Variants in ADCY3 observed in about 807,000 individuals in gnomAD.
The protein encoded by ADCY3 is adenylate cyclase type 3.
Under a neutral mutation model 119.4 loss-of-function variants are expected in ADCY3, and 70 were observed. The ratio of observed to expected loss-of-function variants is 0.59; its 90% CI spans 0.48 to 0.72. The LOEUF (loss-of-function observed/expected upper bound fraction) is 0.72. Among genes scored for constraint, ADCY3 ranks in the 30% least tolerant of loss-of-function variants. The probability of loss-of-function intolerance (pLI) is 0.00; values close to 1 mark genes in which losing one functional copy is unlikely to be tolerated. For synonymous variants in ADCY3, 672 were observed against 621.4 expected (o/e 1.08, Z -1.21); for missense variants, 1,238 against 1,541.6 (o/e 0.80, Z 3.30).
chr2:24,844,067 G>C (rs1422721177), intron 3 of ADCY3, among the ~76,000 whole-genome samples: 1 of 152,226 alleles, frequency 6.6e-6, no homozygotes, highest in Non-Finnish European at 1.5e-5. Context: ...CACAACTAAA[G>C]AAAGTGTGTC....
At chr2:24,821,723 G>A in intron 19 of ADCY3, 83 bp from the exon 20 acceptor site, 1 of 1,560,200 alleles carries the variant, frequency 6.4e-7, no homozygotes, top group South Asian at 1.2e-5. Flanking sequence ...CAGTGTTCTG[G>A]GGGTGGATTC....
intron 11 of ADCY3, 45 bp from the exon 12 acceptor site, chr2:24,831,794 G>A (rs746086849): frequency 4.8e-6 from 6 of 1,261,372 alleles, no homozygotes; most frequent in Non-Finnish European, 1.1e-6. Flanking sequence ...AGGGGACAGT[G>A]AGATGGGGTG....
intron 2 of ADCY3, among the ~76,000 whole-genome samples, chr2:24,880,101 C>A (rs1324592488): frequency 6.6e-6 from 1 of 152,220 alleles, no homozygotes; most frequent in Non-Finnish European, 1.5e-5. Context: ...CCACCATGTG[C>A]CTCAAAACAA....
intron 3 of ADCY3, among the ~76,000 whole-genome samples, chr2:24,863,553 A>G (rs1335568272): frequency 6.6e-6 from 1 of 152,156 alleles, no homozygotes; most frequent in Non-Finnish European, 1.5e-5. Flanking sequence ...TACAGCCTCT[A>G]TCAGTCTTTT....
chr2:24,872,546 C>A lies in ADCY3; in HGVS notation c.825+24G>T. ...ACAGTCCCTGAGCCCAAGCTCCAGGCCCGAGGCCTCCCGAGAGCCTCACCT... is the reference window on the plus strand; with the variant it reads ...ACAGTCCCTGAGCCCAAGCTCCAGGACCGAGGCCTCCCGAGAGCCTCACCT... On this transcript the variant is annotated intron_variant, in intron 3 of 21. Transcript: ENST00000679454. The surrounding 1 kb of genome is among the most constrained non-coding windows in gnomAD (Gnocchi z 4.4). 1 of 1,610,856 alleles carries A rather than the reference C, an allele frequency of 6.2e-7. No individual in the cohort carries two copies. The highest frequency in any genetic ancestry group is 8.5e-7 in the Non-Finnish European group (1 of 1,178,116).
intron 17 of ADCY3, 134 bp from the exon 18 acceptor site, chr2:24,823,489 A>C: frequency 3.5e-6 from 3 of 848,980 alleles, no homozygotes; most frequent in Non-Finnish European, 4.9e-6. Flanking sequence ...AGATTATTCC[A>C]GCATTTTTTT....
chr2:24,823,628 T>C, intron 17 of ADCY3, among the ~76,000 whole-genome samples: 1 of 151,424 alleles, frequency 6.6e-6, no homozygotes, highest in African/African-American at 2.4e-5. Context: ...CACAGACACA[T>C]GTCACCATGC....
chr2:24,914,620 AGCCAAGACTGT>A (rs1290434150), intron 2 of ADCY3, among the ~76,000 whole-genome samples: 1 of 151,082 alleles, frequency 6.6e-6, no homozygotes, highest in Non-Finnish European at 1.5e-5. Context: ...GGTTGCAGTG[AGCCAAGACTGT>A]GCCATTGCAC....
chr2:24,831,537 GTCCTAAC>G (rs1323306921), intron 12 of ADCY3, 118 bp downstream of exon 12: 34 of 773,438 alleles, frequency 4.4e-5, no homozygotes, highest in Non-Finnish European at 6.6e-5. Flanking sequence ...TGCCTGGACC[GTCCTAAC>G]AGAGGAGTGT....
At chr2:24,908,655 C>T (rs1663196215) in intron 2 of ADCY3, among the ~76,000 whole-genome samples, 1 of 152,162 alleles carries the variant, frequency 6.6e-6, no homozygotes, top group South Asian at 2.1e-4. Flanking sequence ...CACAGTCACA[C>T]TCCCGTGCCC....
rs541100936 is a variant in ADCY3 at position 24,839,138 on chromosome 2, C to T, written c.1356-516G>A. Among the ~76,000 whole-genome samples the T allele has an allele frequency of 5.3e-5, 8 of 152,084 alleles. No individual in the cohort carries two copies. The East Asian group carries it at 1.4e-3, about 26-fold the overall frequency. On this transcript the variant is annotated intron_variant, in intron 7 of 21. Coordinates refer to ENST00000679454, the MANE Select transcript of ADCY3 (RefSeq NM_004036.5). ...TGTATTTTTAGTAGAGATGGGGTTT[C>T]GTCATGTTGGTCAGGCTGGTCTCAA...
chr2:24,831,653 G>A lies in ADCY3; in HGVS notation c.2055+9C>T, dbSNP rs1236063625. On this transcript the variant is annotated intron_variant, in intron 12 of 21. Transcript: ENST00000679454. ...AGGCTTCTGAGCTCAGTAGAAAAGT[G>A]CCTCTTACCCGGGGAAAGATGGCAG... 1.2e-6 allele frequency: 2 copies of A among 1,611,854 alleles called. No individual in the cohort carries two copies. Among genetic ancestry groups the A allele is most frequent in the Non-Finnish European group, 1.7e-6 (2 of 1,178,188 alleles).
chr2:24,851,217 G>T (rs11678026), intron 3 of ADCY3, among the ~76,000 whole-genome samples: 15,727 of 152,040 alleles, frequency 0.1, 924 homozygotes, highest in Non-Finnish European at 0.14. Context: ...AACCTGAGGA[G>T]GGGGAACCTA....
At chr2:24,917,315 G>A (rs182075817) in intron 2 of ADCY3, among the ~76,000 whole-genome samples, 5 of 152,360 alleles carry the variant, frequency 3.3e-5, no homozygotes, top group Non-Finnish European at 7.3e-5. Flanking sequence ...CAGAGCTGGC[G>A]TGGGAGTTAA....
At chr2:24,831,926 G>A (rs867332046) in intron 11 of ADCY3, among the ~76,000 whole-genome samples, 177 bp from the exon 12 acceptor site, 34 of 72,118 alleles carry the variant, frequency 4.7e-4, no homozygotes, top group African/African-American at 1.2e-3. Flanking sequence ...AGGGGACAGC[G>A]GACAGTGGCC....
intron 21 of ADCY3, 159 bp downstream of exon 21, chr2:24,820,565 C>G: frequency 7.0e-7 from 1 of 1,429,822 alleles, no homozygotes; most frequent in African/African-American, 1.4e-5. Context: ...TGTGCTGAGG[C>G]TAGCTATTGC....
rs887610449 is a variant in ADCY3 at position 24,842,655 on chromosome 2, G to A, written c.826-271C>T. 8.6e-5 allele frequency: 38 copies of A among 444,084 alleles called. No individual in the cohort carries two copies. Among genetic ancestry groups the A allele is most frequent in the South Asian group, 5.1e-4 (23 of 45,080 alleles). 27.5% of individuals were successfully genotyped at this position (444,084 alleles called of 1,614,324 possible). On this transcript the variant is annotated intron_variant, in intron 3 of 21. Coordinates refer to ENST00000679454, the MANE Select transcript of ADCY3 (RefSeq NM_004036.5). This position sits in a 1 kb window ranked among gnomAD's most constrained non-coding sequence, Gnocchi z 4.9. ...GTGAAGCATCCCAACGTGGCTCTGT[G>A]CTCAGCATCCTCGTGCCACAAGAAG...
chr2:24,883,511 T>C (rs1676664525), intron 2 of ADCY3, among the ~76,000 whole-genome samples: 1 of 152,206 alleles, frequency 6.6e-6, no homozygotes, highest in Non-Finnish European at 1.5e-5. Flanking sequence ...CTTTCACATA[T>C]ATTTAAGCAT....
At chr2:24,844,425 T>C (rs55820598) in intron 3 of ADCY3, among the ~76,000 whole-genome samples, 21,124 of 152,052 alleles carry the variant, frequency 0.14, 1,972 homozygotes, top group African/African-American at 0.26. Flanking sequence ...CCAGGGACCT[T>C]GCCTCCTGAC....
Sources: allele counts gnomAD v4.1 joint callset (sites outside exome capture counted in the v4.1 genomes callset), GRCh38; gene constraint gnomAD v4.1.1; non-coding constraint Gnocchi (gnomAD v3.1); transcripts MANE v1.5; gene names NCBI Gene and HGNC (gene_info 2026-07-23, HGNC 2026-07-21).